Variants in VPS41 observed in about 807,000 individuals in gnomAD.
VPS41 encodes vacuolar protein sorting-associated protein 41 homolog.
Under a neutral mutation model 130.9 loss-of-function variants are expected in VPS41, and 85 were observed. The observed-to-expected ratio is 0.65, with a 90% CI of 0.55 to 0.78. The LOEUF (loss-of-function observed/expected upper bound fraction) is 0.78. Ranked by LOEUF, VPS41 falls within the 30% of genes least tolerant of loss-of-function variation. The pLI, the probability that VPS41 is intolerant of heterozygous loss-of-function variation, is 0.00. For synonymous variants in VPS41, 335 were observed against 332.9 expected, an observed-to-expected ratio of 1.01 and a Z score of -0.07; for missense variants, 874 against 1,018.7, an observed-to-expected ratio of 0.86 and a Z score of 1.93.
At position 38,794,806 on chromosome 7, in the gene VPS41, C is replaced by A. The variant is rs1784590743; in HGVS notation, c.717+659G>T. On this transcript the variant is annotated intron_variant, in intron 9 of 28. Coordinates refer to ENST00000310301, the MANE Select transcript of VPS41 (RefSeq NM_014396.4). ...GTTTATTTTGTTCGAATTAAGCTGT[C>A]TATTTTTTAAAGGGAAACAACTTTT... is the stretch of plus-strand genomic sequence containing the variant. 2.0e-5 allele frequency among the ~76,000 whole-genome samples: 3 copies of A among 152,104 alleles called. No individual in the cohort carries two copies. In the South Asian group the frequency reaches 6.2e-4, roughly 32 times the overall value.
chr7:38,827,884 G>C (rs1785311340), intron 5 of VPS41, among the ~76,000 whole-genome samples: 1 of 152,098 alleles, frequency 6.6e-6, no homozygotes, highest in Non-Finnish European at 1.5e-5. Flanking sequence ...AAAAATTAAT[G>C]AAAAGAGACC....
chr7:38,753,962 C>G (rs1364915619), intron 21 of VPS41, among the ~76,000 whole-genome samples: 2 of 152,182 alleles, frequency 1.3e-5, no homozygotes, highest in African/African-American at 4.8e-5. Context: ...CTTATTGTAT[C>G]TGATACCCAT....
intron 10 of VPS41, among the ~76,000 whole-genome samples, chr7:38,780,564 G>A (rs1784338037): frequency 6.6e-6 from 1 of 152,202 alleles, no homozygotes; most frequent in South Asian, 2.1e-4. Flanking sequence ...TCTAGATCCA[G>A]AATGAGGATG....
At chr7:38,851,695 T>C (rs1381518416) in intron 4 of VPS41, among the ~76,000 whole-genome samples, 2 of 152,238 alleles carry the variant, frequency 1.3e-5, no homozygotes. Flanking sequence ...GTGGAATGTA[T>C]GATAGGTGTA....
In VPS41 at chr7:38,739,740, A is replaced by G. The variant is rs374140660; in HGVS notation, c.2259+2245T>C. On this transcript the variant is annotated intron_variant, in intron 25 of 28. Transcript: ENST00000310301. ...GTTCATCTCTCCCTCACCCTCTGAGAAGCCACCCCTTGGTTGGGGGATTCA... is the reference window on the plus strand; with the variant it reads ...GTTCATCTCTCCCTCACCCTCTGAGGAGCCACCCCTTGGTTGGGGGATTCA... Among the ~76,000 whole-genome samples, 4 of 152,260 alleles carry G rather than the reference A, an allele frequency of 2.6e-5. No individual in the cohort carries two copies. In the East Asian group the frequency reaches 5.8e-4, roughly 22 times the overall value.
rs150228647 is a variant in VPS41, at chr7:38,753,598, T to C, written c.1788+1104A>G. On this transcript the variant is annotated intron_variant, in intron 21 of 28. Transcript: ENST00000310301. ...ATTGCCTGGCAGGGAAGATGAGCCA[T>C]GTTAGTGTGGGCTGTGCCACCACTT... Among the ~76,000 whole-genome samples the C allele has an allele frequency of 2.8e-4, 42 of 152,294 alleles. 1 individual carries two copies. Among genetic ancestry groups the C allele is most frequent in the Middle Eastern group, 3.4e-3 (1 of 294 alleles).
At chr7:38,796,196 C>A (rs995686248) in intron 8 of VPS41, among the ~76,000 whole-genome samples, 4 of 152,160 alleles carry the variant, frequency 2.6e-5, no homozygotes, top group African/African-American at 9.7e-5. Flanking sequence ...CTAAATTATA[C>A]CTTGATGTTT....
chr7:38,750,871 A>C (rs1307889388), intron 22 of VPS41, among the ~76,000 whole-genome samples: 1 of 152,220 alleles, frequency 6.6e-6, no homozygotes, highest in Non-Finnish European at 1.5e-5. Flanking sequence ...GGAGACTGCC[A>C]CATCCTCTCT....
At chr7:38,827,717 A>T (rs1785308196) in intron 5 of VPS41, among the ~76,000 whole-genome samples, 1 of 152,228 alleles carries the variant, frequency 6.6e-6, no homozygotes, top group Non-Finnish European at 1.5e-5. Context: ...CCTAGCCTCT[A>T]AGCGATATTG....
chr7:38,770,269 CAAA>C (rs5883660), intron 14 of VPS41, among the ~76,000 whole-genome samples: 4 of 79,534 alleles, frequency 5.0e-5, no homozygotes, highest in Admixed American at 1.5e-4. Flanking sequence ...AACTCCGTCT[CAAA>C]AAAAAAAAAA....
intron 2 of VPS41, among the ~76,000 whole-genome samples, chr7:38,888,948 G>A (rs1786794033): frequency 6.6e-6 from 1 of 151,438 alleles, no homozygotes; most frequent in African/African-American, 2.4e-5. Context: ...CACACACTGG[G>A]GCCTGTGGGG....
intron 7 of VPS41, among the ~76,000 whole-genome samples, chr7:38,803,097 T>C (rs951098096): frequency 6.6e-6 from 1 of 152,230 alleles, no homozygotes; most frequent in Non-Finnish European, 1.5e-5. Flanking sequence ...TATTCTCCTC[T>C]GTTTTGTGCT....
chr7:38,880,485 C>T (rs1319030072), intron 2 of VPS41, among the ~76,000 whole-genome samples: 1 of 152,148 alleles, frequency 6.6e-6, no homozygotes, highest in Non-Finnish European at 1.5e-5. Flanking sequence ...AAAAGTAGCC[C>T]ATGACAGCCC....
At chr7:38,899,679 A>C (rs1278634321) in intron 1 of VPS41, among the ~76,000 whole-genome samples, 2 of 152,268 alleles carry the variant, frequency 1.3e-5, no homozygotes, top group African/African-American at 4.8e-5. Flanking sequence ...TGAGGCTTAG[A>C]GGTTGAGTTT....
intron 4 of VPS41, among the ~76,000 whole-genome samples, chr7:38,856,465 G>A (rs1785987924): frequency 6.6e-6 from 1 of 152,136 alleles, no homozygotes; most frequent in African/African-American, 2.4e-5. Flanking sequence ...AGTGAAGGTA[G>A]AATAATACAC....
chr7:38,746,535 C>A (rs949166037), intron 22 of VPS41, among the ~76,000 whole-genome samples: 1 of 151,890 alleles, frequency 6.6e-6, no homozygotes, highest in African/African-American at 2.4e-5. Context: ...CATTATTCCA[C>A]GATTAGAGTA....
intron 2 of VPS41, among the ~76,000 whole-genome samples, chr7:38,894,467 G>A (rs760989894): frequency 3.9e-5 from 6 of 151,936 alleles, no homozygotes; most frequent in Non-Finnish European, 8.8e-5. Flanking sequence ...GGGGAAGTGG[G>A]GGAGGAATCT....
At chr7:38,755,019 C>T in intron 19 of VPS41, 83 bp from the exon 20 acceptor site, 1 of 1,311,346 alleles carries the variant, frequency 7.6e-7, no homozygotes, top group South Asian at 1.2e-5. Context: ...GTACCTACCA[C>T]AGTTCACAGG....
intron 4 of VPS41, among the ~76,000 whole-genome samples, chr7:38,834,680 T>C (rs1182770384): frequency 6.6e-6 from 1 of 152,142 alleles, no homozygotes; most frequent in Non-Finnish European, 1.5e-5. Context: ...ATTTCACAAA[T>C]AAACATTAAA....
Sources: gnomAD v4.1 joint callset for allele counts (sites outside exome capture counted in the v4.1 genomes callset) on GRCh38, gnomAD v4.1.1 for gene constraint, MANE v1.5 for transcripts, NCBI Gene and HGNC (gene_info 2026-07-23, HGNC 2026-07-21) for gene names.